LAMA4: variants seen among roughly 807,000 people sequenced by gnomAD.
The protein encoded by LAMA4 is laminin subunit alpha 4.
A neutral mutation model predicts 207.1 loss-of-function variants in LAMA4; 127 were observed. That is an observed-to-expected ratio of 0.61 (90% CI 0.53 to 0.71). LAMA4 has a LOEUF of 0.71. Among genes scored for constraint, LAMA4 ranks in the 30% least tolerant of loss-of-function variants. The pLI is 0.00. For synonymous variants in LAMA4, 761 were observed against 816.0 expected (o/e 0.93, Z 1.15); for missense variants, 2,093 against 2,246.5 (o/e 0.93, Z 1.38).
intron 9 of LAMA4, among the ~76,000 whole-genome samples, chr6:112,182,273 T>C (rs1468863147): frequency 9.2e-5 from 14 of 152,110 alleles, no homozygotes; most frequent in Admixed American, 9.2e-4. Flanking sequence ...AATGGTGTAG[T>C]ATTTGCAATA....
At chr6:112,115,318 GTTAA>G (rs1777953341) in intron 36 of LAMA4, among the ~76,000 whole-genome samples, 4 of 152,058 alleles carry the variant, frequency 2.6e-5, no homozygotes, top group African/African-American at 9.7e-5. Context: ...AATCTGTTAT[GTTAA>G]GTTAGCAGCA....
chr6:112,187,588 G>A lies in LAMA4; in HGVS notation c.828C>T (p.Cys276=), dbSNP rs782380339. 82 of 1,613,822 alleles carry A rather than the reference G, an allele frequency of 5.1e-5. No individual in the cohort carries two copies. Among genetic ancestry groups the A allele is most frequent in the Non-Finnish European group, 6.6e-5 (78 of 1,179,968 alleles). Reference sequence around the variant, plus strand: ...GCAGGTCATCAGTCAGGTCCCAGACGCACTTATCACAGCCTGGAGGTGAAA... The same window carrying A: ...GCAGGTCATCAGTCAGGTCCCAGACACACTTATCACAGCCTGGAGGTGAAA... The part of the protein sequence containing the change: ...MDCPTISCDK[C]VWDLTDDLRL... The change falls in exon 8 of 39, where the codon TGC becomes TGT. Residue 276 remains cysteine, a synonymous_variant. Transcript: ENST00000230538.
chr6:112,137,459 C>A (rs1410358670), intron 24 of LAMA4, among the ~76,000 whole-genome samples: 3 of 152,190 alleles, frequency 2.0e-5, no homozygotes, highest in Admixed American at 2.0e-4. Flanking sequence ...TAATATTTAA[C>A]ACATGAATTA....
intron 4 of LAMA4, 93 bp downstream of exon 4, chr6:112,206,928 T>G (rs1383725873): frequency 6.7e-7 from 1 of 1,499,048 alleles, no homozygotes. Context: ...TGGAGAAACC[T>G]CAGAACTCTG....
At chr6:112,124,679 TC>T (rs1370212799) in intron 31 of LAMA4, among the ~76,000 whole-genome samples, 12 of 152,284 alleles carry the variant, frequency 7.9e-5, no homozygotes, top group Admixed American at 3.3e-4. Flanking sequence ...TTAGCAAGAT[TC>T]TTTTGTGTCA....
At chr6:112,223,325 TA>T (rs1785027722) in intron 2 of LAMA4, among the ~76,000 whole-genome samples, 1 of 152,196 alleles carries the variant, frequency 6.6e-6, no homozygotes, top group Non-Finnish European at 1.5e-5. Context: ...TTCAGAATTA[TA>T]GGCATTTAGG....
rs1554350344 is a variant in LAMA4 at position 112,195,964 on chromosome 6, C to CT, written c.504-4115_504-4114insA. Reference sequence around the variant, plus strand: ...ACACACACACACACACACACACACACACTACACACACTGCTATATATATTT... The same window carrying CT: ...ACACACACACACACACACACACACACTACTACACACACTGCTATATATATTT... On this transcript the variant is annotated intron_variant, in intron 5 of 38. Coordinates refer to ENST00000230538, the MANE Select transcript of LAMA4 (RefSeq NM_001105206.3). 1.3e-3 allele frequency among the ~76,000 whole-genome samples: 145 copies of CT among 111,760 alleles called. 2 individuals are homozygous for CT. The highest frequency in any genetic ancestry group is 2.1e-3 in the Non-Finnish European group (121 of 56,666). 73.3% of individuals were successfully genotyped at this position (111,760 alleles called of 152,430 possible).
chr6:112,174,300 T>C (rs1781889652), intron 11 of LAMA4, among the ~76,000 whole-genome samples: 1 of 152,236 alleles, frequency 6.6e-6, no homozygotes, highest in South Asian at 2.1e-4. Context: ...GGACTAGCCT[T>C]GTTGAGTTAA....
At chr6:112,215,606 A>G (rs188235836) in intron 3 of LAMA4, among the ~76,000 whole-genome samples, 4 of 152,372 alleles carry the variant, frequency 2.6e-5, no homozygotes, top group Admixed American at 2.6e-4. Context: ...CTATTTGAGC[A>G]TAAGTTCTTA....
chr6:112,119,787 G>A (rs1554325504), intron 33 of LAMA4, among the ~76,000 whole-genome samples: 1 of 152,050 alleles, frequency 6.6e-6, no homozygotes, highest in Non-Finnish European at 1.5e-5. Context: ...GACAGAACAG[G>A]CCATATGTTC....
At chr6:112,212,297 T>C (rs944150666) in intron 3 of LAMA4, among the ~76,000 whole-genome samples, 7 of 151,786 alleles carry the variant, frequency 4.6e-5, no homozygotes, top group Admixed American at 3.3e-4. Context: ...GATCTTGGCT[T>C]ACTGCAACCT....
At chr6:112,210,118 C>A (rs1252888912) in intron 3 of LAMA4, among the ~76,000 whole-genome samples, 1 of 152,000 alleles carries the variant, frequency 6.6e-6, no homozygotes, top group Non-Finnish European at 1.5e-5. Context: ...CCTGAGGCCT[C>A]CTCAGAAGCA....
Position 112,178,134 on chromosome 6 carries a change from C to A in LAMA4, c.1176G>T (p.Arg392Ser), listed in dbSNP as rs1554344370. 6.2e-7 allele frequency: 1 copy of A among 1,609,428 alleles called. No individual in the cohort carries two copies. Among genetic ancestry groups the A allele is most frequent in the Non-Finnish European group, 8.5e-7 (1 of 1,175,834 alleles). Residue 392 changes from arginine (R) to serine (S), a missense_variant, in exon 10 of 39, where the codon AGG becomes AGT. By Grantham distance (110) the Arg-to-Ser change is moderately radical (BLOSUM62 -1). Transcript: ENST00000230538. Reference protein sequence around the residue: ...SQLVEQAHDMRDKIQEINNKM... With the variant: ...SQLVEQAHDMSDKIQEINNKM... Reference sequence around the variant, plus strand: ...GAATATATTTACCTTGGATTTTATCCCTCATATCATGGGCTTGCTCTACCA... The same window carrying A: ...GAATATATTTACCTTGGATTTTATCACTCATATCATGGGCTTGCTCTACCA...
At chr6:112,124,778 G>T (rs1778584728) in intron 31 of LAMA4, among the ~76,000 whole-genome samples, 1 of 143,530 alleles carries the variant, frequency 7.0e-6, no homozygotes, top group Non-Finnish European at 1.5e-5. Flanking sequence ...TTTTTTTTGA[G>T]ACAGTTTTGC....
chr6:112,121,750 C>T, intron 32 of LAMA4: 1 of 395,928 alleles, frequency 2.5e-6, no homozygotes, highest in Non-Finnish European at 4.7e-6. Flanking sequence ...CTCCATCTTC[C>T]TTTCCTTGAT....
At position 112,139,107 on chromosome 6, in the gene LAMA4, T is replaced by G. The variant is rs369965123; in HGVS notation, c.3282+13A>C. On this transcript the variant is annotated intron_variant, in intron 24 of 38. Transcript: ENST00000230538. Reference sequence around the variant, plus strand: ...AATAAAGGAGAAGTAGTAGGACTTGTATTTTTACTCACTCCATTGACCATC... The same window carrying G: ...AATAAAGGAGAAGTAGTAGGACTTGGATTTTTACTCACTCCATTGACCATC... The G allele has an allele frequency of 1.9e-6, 3 of 1,612,920 alleles. No homozygotes were observed. Among genetic ancestry groups the G allele is most frequent in the Non-Finnish European group, 2.5e-6 (3 of 1,178,986 alleles).
chr6:112,178,272 GA>G (rs1420725476), intron 9 of LAMA4, 40 bp from the exon 10 acceptor site: 9 of 1,437,442 alleles, frequency 6.3e-6, no homozygotes, highest in Non-Finnish European at 8.8e-6. Flanking sequence ...AAATGTATGA[GA>G]AAAGAATGTT....
chr6:112,226,572 T>C (rs999169866), intron 2 of LAMA4, among the ~76,000 whole-genome samples: 1 of 152,262 alleles, frequency 6.6e-6, no homozygotes, highest in Non-Finnish European at 1.5e-5. Context: ...TTTTAATTTA[T>C]ACTCTTGCCT....
chr6:112,113,414 G>A (rs1490655197), intron 38 of LAMA4, among the ~76,000 whole-genome samples: 1 of 152,216 alleles, frequency 6.6e-6, no homozygotes, highest in Non-Finnish European at 1.5e-5. Flanking sequence ...TTAGTGAAAT[G>A]TGTAAAAACA....
Sources: allele counts gnomAD v4.1 joint callset (sites outside exome capture counted in the v4.1 genomes callset), GRCh38; gene constraint gnomAD v4.1.1; transcripts MANE v1.5; gene names NCBI Gene and HGNC (gene_info 2026-07-23, HGNC 2026-07-21).